The following LCNL1 variants were observed in gnomAD, a reference collection of about 807,000 sequenced individuals.
The protein encoded by LCNL1 is lipocalin-like 1 protein.
In LCNL1, 11 loss-of-function variants were observed where a neutral mutation model predicts 7.9. The observed-to-expected ratio is 1.40, with a 90% CI of 0.88 to 2.32. The LOEUF (loss-of-function observed/expected upper bound fraction) is 2.32, where lower values mean the gene tolerates loss of function less well. Ranked by LOEUF, LCNL1 falls within the 30% of genes most tolerant of loss-of-function variation. LCNL1 has a pLI of 0.00. For synonymous variants in LCNL1, 90 were observed against 92.5 expected, an observed-to-expected ratio of 0.97 and a Z score of 0.15; for missense variants, 218 against 217.0, an observed-to-expected ratio of 1.00 and a Z score of -0.03.
Position 136,983,576 on chromosome 9 carries a change from G to C in LCNL1, c.-11G>C, listed in dbSNP as rs759049469. 1 of 1,612,382 alleles carries C rather than the reference G, an allele frequency of 6.2e-7. No individual in the cohort carries two copies. Among genetic ancestry groups the C allele is most frequent in the Non-Finnish European group, 8.5e-7 (1 of 1,178,844 alleles). On this transcript the variant is annotated 5_prime_UTR_variant, in exon 1 of 3. Coordinates refer to ENST00000408973, the MANE Select transcript of LCNL1 (RefSeq NM_207510.4). Reference sequence around the variant, plus strand: ...CCTGCACTTGCCCTGCAGTTCCAGGGCACCTGGTACATGGTCGGGGTGGTG... The same window carrying C: ...CCTGCACTTGCCCTGCAGTTCCAGGCCACCTGGTACATGGTCGGGGTGGTG...
At chr9:136,984,462 T>C in intron 1 of LCNL1, 28 bp from the exon 2 acceptor site, 3 of 1,532,646 alleles carry the variant, frequency 2.0e-6, no homozygotes, top group Non-Finnish European at 2.6e-6. Flanking sequence ...GGGTGGCCAC[T>C]CAGGGGATTG....
intron 2 of LCNL1, 45 bp from the exon 3 acceptor site, chr9:136,984,668 G>A (rs1302112061): frequency 6.6e-7 from 1 of 1,514,692 alleles, no homozygotes; most frequent in Admixed American, 2.1e-5. Flanking sequence ...CACGCTCGGG[G>A]GGGAGGTGCC....
In LCNL1 at chr9:136,985,210, G is replaced by C. The variant is rs1830488365; in HGVS notation, c.*199G>C. The C allele has an allele frequency of 5.2e-6, 3 of 579,526 alleles. No individual in the cohort carries two copies. The highest frequency in any genetic ancestry group is 4.4e-5 in the South Asian group (2 of 45,590). The allele number at this position is 579,526 out of a possible 1,614,324, so 35.9% of individuals were successfully genotyped here. On this transcript the variant is annotated 3_prime_UTR_variant, in exon 3 of 3. Coordinates refer to ENST00000408973, the MANE Select transcript of LCNL1 (RefSeq NM_207510.4). Reference sequence around the variant, plus strand: ...ACCCCTGCTGGAAGGGCCAGGCCCTGGTCACTCCACTGATCTCAGATTCGG... The same window carrying C: ...ACCCCTGCTGGAAGGGCCAGGCCCTCGTCACTCCACTGATCTCAGATTCGG...
At chr9:136,984,188 T>TCG in intron 1 of LCNL1, 1 of 464,216 alleles carries the variant, frequency 2.2e-6, no homozygotes, top group South Asian at 4.0e-5. Context: ...TCAGTGTGTC[T>TCG]GTGTCTGTGT....
chr9:136,985,079 G>A lies in LCNL1; in HGVS notation c.*68G>A. The A allele has an allele frequency of 5.8e-6, 8 of 1,375,376 alleles. No individual in the cohort carries two copies. Among genetic ancestry groups the A allele is most frequent in the Non-Finnish European group, 7.7e-6 (8 of 1,032,934 alleles). The allele number at this position is 1,375,376 out of a possible 1,614,324, so 85.2% of individuals were successfully genotyped here. ...TTCCCGAAGGCGCCCAGAAGATGCA[G>A]CTACTGGCGCCCCAAGTGGGCCTGA... On this transcript the variant is annotated 3_prime_UTR_variant, in exon 3 of 3. Transcript: ENST00000408973.
chr9:136,983,492 T>G lies in LCNL1; in HGVS notation c.-95T>G. 6.7e-7 allele frequency: 1 copy of G among 1,503,650 alleles called. No homozygotes were observed. The highest frequency in any genetic ancestry group is 1.7e-5 in the Admixed American group (1 of 58,848). 93.1% of individuals were successfully genotyped at this position (1,503,650 alleles called of 1,614,324 possible). A position where few individuals can be genotyped will look rare whatever the true frequency, so the allele number is the denominator to read the frequency against. ...CCCTGCCGTGGCCAGGAAGCAGCTGTGTCGGGGCAGAATGTGGTGGGCTCA... is the reference window on the plus strand; with the variant it reads ...CCCTGCCGTGGCCAGGAAGCAGCTGGGTCGGGGCAGAATGTGGTGGGCTCA... On this transcript the variant is annotated 5_prime_UTR_variant, in exon 1 of 3. Coordinates refer to ENST00000408973, the MANE Select transcript of LCNL1 (RefSeq NM_207510.4).
intron 1 of LCNL1, chr9:136,983,940 G>T: frequency 1.8e-6 from 1 of 544,046 alleles, no homozygotes; most frequent in Non-Finnish European, 3.3e-6. Context: ...CTGCATGTCT[G>T]TGTCTGTGTG....
At position 136,984,523 on chromosome 9, in the gene LCNL1, CT is replaced by C; in HGVS notation, c.158del (p.Phe53SerfsTer17). ...GCGGGTGCCAGAAAATGGACACGAC[CT>C]TCACCGAGGGTGCTGTACCGGGGCA... is the stretch of plus-strand genomic sequence containing the variant. Reference protein sequence around the residue: ...HGGCQKMDTTFTEGAVPGQFS... With the variant: ...HGGCQKMDTTXTEGAVPGQFS... On this transcript the variant is annotated frameshift_variant, in exon 2 of 3. Transcript: ENST00000408973. LOFTEE classifies it low-confidence loss of function (END_TRUNC). 6.4e-7 allele frequency: 1 copy of C among 1,572,438 alleles called. No individual in the cohort carries two copies. Among genetic ancestry groups the C allele is most frequent in the Non-Finnish European group, 8.6e-7 (1 of 1,158,880 alleles).
intron 1 of LCNL1, 122 bp downstream of exon 1, chr9:136,983,830 G>A (rs939190591): frequency 4.8e-5 from 66 of 1,382,094 alleles, no homozygotes; most frequent in South Asian, 1.4e-4. Context: ...GGTCCTCGAC[G>A]GCTCTGTGCG....
In LCNL1 at chr9:136,984,962, C is replaced by A. The variant is rs1830483264; in HGVS notation, c.446C>A (p.Pro149His). The part of the protein sequence containing the change: ...SWCLWPRVPA[P>H]PCPSLPLFAP... ...TGTCTGTGGCCGCGGGTCCCGGCCC[C>A]TCCCTGCCCCTCTCTCCCTCTCTTC... Residue 149 changes from proline to histidine, a missense_variant, in exon 3 of 3, where the codon CCT becomes CAT. Coordinates refer to ENST00000408973, the MANE Select transcript of LCNL1 (RefSeq NM_207510.4). 1 of 1,550,068 alleles carries A rather than the reference C, an allele frequency of 6.5e-7. No individual in the cohort carries two copies. Among genetic ancestry groups the A allele is most frequent in the Admixed American group, 2.0e-5 (1 of 50,860 alleles).
In LCNL1 at chr9:136,983,290, A is replaced by C; in HGVS notation, c.-297A>C. On this transcript the variant is annotated 5_prime_UTR_variant, in exon 1 of 3. Coordinates refer to ENST00000408973, the MANE Select transcript of LCNL1 (RefSeq NM_207510.4). The stretch of plus-strand genomic sequence containing the variant: ...GGGACAAGTTGGTTGCCTGTGCCTC[A>C]CTGTCCCCCACCCACCCCACAAAGA... 1 of 350,244 alleles carries C rather than the reference A, an allele frequency of 2.9e-6. No individual in the cohort carries two copies. 21.7% of individuals were successfully genotyped at this position (350,244 alleles called of 1,614,324 possible).
chr9:136,983,494 T>C lies in LCNL1; in HGVS notation c.-93T>C. Reference sequence around the variant, plus strand: ...CTGCCGTGGCCAGGAAGCAGCTGTGTCGGGGCAGAATGTGGTGGGCTCAGG... The same window carrying C: ...CTGCCGTGGCCAGGAAGCAGCTGTGCCGGGGCAGAATGTGGTGGGCTCAGG... On this transcript the variant is annotated 5_prime_UTR_variant, in exon 1 of 3. Transcript: ENST00000408973. 6.6e-7 allele frequency: 1 copy of C among 1,517,644 alleles called. No homozygotes were observed. Among genetic ancestry groups the C allele is most frequent in the Admixed American group, 1.7e-5 (1 of 58,936 alleles). 94.0% of individuals were successfully genotyped at this position (1,517,644 alleles called of 1,614,324 possible). A position where few individuals can be genotyped will look rare whatever the true frequency, so the allele number is the denominator to read the frequency against.
At chr9:136,983,803 A>G in intron 1 of LCNL1, 95 bp downstream of exon 1, 1 of 1,555,524 alleles carries the variant, frequency 6.4e-7, no homozygotes, top group Non-Finnish European at 8.8e-7. Flanking sequence ...TCCCCAGCAC[A>G]TTGAGGTCAG....
rs765747375 is a variant in LCNL1 at position 136,984,810 on chromosome 9, G to C, written c.294G>C (p.Trp98Cys). 6.3e-7 allele frequency: 1 copy of C among 1,579,606 alleles called. No individual in the cohort carries two copies. The highest frequency in any genetic ancestry group is 2.3e-5 in the East Asian group (1 of 43,646). ...GGAAAGGGGGCCTGCGGAACCAGTG[G>C]CTGCAGCTCTACGGTGGGCGGGCTG... ...EMRKGGLRNQ[W>C]LQLYGGRAAG... Residue 98 changes from tryptophan (W) to cysteine (C), a missense_variant, in exon 3 of 3, where the codon TGG becomes TGC. By Grantham distance (215) the Trp-to-Cys change is radical. Transcript: ENST00000408973.
chr9:136,984,646 C>A, intron 2 of LCNL1, 67 bp from the exon 3 acceptor site: 1 of 1,508,212 alleles, frequency 6.6e-7, no homozygotes, highest in South Asian at 1.3e-5. Context: ...GGGGCCGGGG[C>A]GTGAGGGGTG....
chr9:136,985,179 G>A lies in LCNL1; in HGVS notation c.*168G>A, dbSNP rs1047066563. 9 of 660,390 alleles carry A rather than the reference G, an allele frequency of 1.4e-5. No individual in the cohort carries two copies. The highest frequency in any genetic ancestry group is 2.0e-5 in the Non-Finnish European group (8 of 394,470). 40.9% of individuals were successfully genotyped at this position (660,390 alleles called of 1,614,324 possible). ...GCCCTGCTGGGAGGGCCAGGCCCCG[G>A]GTCACACCCCTGCTGGAAGGGCCAG... On this transcript the variant is annotated 3_prime_UTR_variant, in exon 3 of 3. Coordinates refer to ENST00000408973, the MANE Select transcript of LCNL1 (RefSeq NM_207510.4).
chr9:136,985,042 C>A lies in LCNL1; in HGVS notation c.*31C>A. 1 of 1,438,866 alleles carries A rather than the reference C, an allele frequency of 6.9e-7. No individual in the cohort carries two copies. The highest frequency in any genetic ancestry group is 9.2e-7 in the Non-Finnish European group (1 of 1,086,168). 89.1% of individuals were successfully genotyped at this position (1,438,866 alleles called of 1,614,324 possible). ...CCGCCCTCCCCACCTTCAGCTCGAG[C>A]GCCCGAGCTGTTTCCCGAAGGCGCC... On this transcript the variant is annotated 3_prime_UTR_variant, in exon 3 of 3. Transcript: ENST00000408973.
At chr9:136,984,123 G>T (rs1037316162) in intron 1 of LCNL1, 1 of 407,792 alleles carries the variant, frequency 2.5e-6, no homozygotes, top group East Asian at 4.0e-5. Context: ...TCTGTGTCTG[G>T]CTGTGTGTGT....
In LCNL1 at chr9:136,984,899, C is replaced by G. The variant is rs1366686516; in HGVS notation, c.383C>G (p.Pro128Arg). The change falls in exon 3 of 3, where the codon CCC (proline) becomes CGC (arginine). Residue 128 changes from proline (P) to arginine (R), a missense_variant. Transcript: ENST00000408973. The stretch of plus-strand genomic sequence containing the variant: ...ATGTCACCCCTGTGCCTGCACCAGC[C>G]CTTTCTGCACGCGGAAGGTGGAACC... ...SGMSPLCLHQ[P>R]FLHAEGGTAG... 1.9e-5 allele frequency: 29 copies of G among 1,557,078 alleles called. No homozygotes were observed. Among genetic ancestry groups the G allele is most frequent in the Non-Finnish European group, 2.4e-5 (28 of 1,150,466 alleles).
Sources: allele counts gnomAD v4.1 joint callset, GRCh38; gene constraint gnomAD v4.1.1; transcripts MANE v1.5; gene names NCBI Gene and HGNC (gene_info 2026-07-23, HGNC 2026-07-21).